Variants in ZNF469 observed in about 807,000 individuals in gnomAD.
ZNF469 encodes zinc finger protein 469.
Under a neutral mutation model 1.0 loss-of-function variants are expected in ZNF469, and 1 was observed. The observed-to-expected ratio is 1.00, with a 90% confidence interval of 0.35 to 4.73. The LOEUF is 4.73. Ranked by LOEUF, ZNF469 falls within the 30% of genes most tolerant of loss-of-function variation. ZNF469 has a pLI of 0.16. For synonymous variants in ZNF469, 2,703 were observed against 2,363.4 expected (o/e 1.14, Z -4.17); for missense variants, 6,100 against 5,356.3 (o/e 1.14, Z -4.33).
chr16:88,157,535 C>G, the ZNF469 span, among the ~76,000 whole-genome samples: 1 of 152,142 alleles, frequency 6.6e-6, no homozygotes. Flanking sequence ...GGGACAGCAC[C>G]CATCTCTCCT....
At chr16:88,172,059 A>G in the ZNF469 span, among the ~76,000 whole-genome samples, 1 of 152,198 alleles carries the variant, frequency 6.6e-6, no homozygotes, top group Non-Finnish European at 1.5e-5. Context: ...GCTCACTGTA[A>G]TGAGGGGAGA....
At chr16:88,358,942 C>G in the ZNF469 span, among the ~76,000 whole-genome samples, 4 of 152,176 alleles carry the variant, frequency 2.6e-5, no homozygotes, top group Non-Finnish European at 5.9e-5. Flanking sequence ...CTTCCAGTCT[C>G]AGGCTCTTCT....
chr16:88,318,862 A>G, the ZNF469 span, among the ~76,000 whole-genome samples: 514 of 152,376 alleles, frequency 3.4e-3, 3 homozygotes, highest in African/African-American at 0.012. Flanking sequence ...CCATCATGCA[A>G]ACAGCTTGGC....
At chr16:88,218,503 A>G in the ZNF469 span, among the ~76,000 whole-genome samples, 1 of 152,206 alleles carries the variant, frequency 6.6e-6, no homozygotes, top group Non-Finnish European at 1.5e-5. Flanking sequence ...TGTTTTAGAC[A>G]TGAAGTCCTT....
At chr16:88,380,643 A>C (rs1210617314), upstream of ZNF469, among the ~76,000 whole-genome samples, 1 of 136,460 alleles carries the variant, frequency 7.3e-6, no homozygotes, top group African/African-American at 2.8e-5. Context: ...ACACACATGC[A>C]CTCATACACA....
the ZNF469 span, among the ~76,000 whole-genome samples, chr16:88,256,889 T>C: frequency 1.2e-4 from 6 of 50,834 alleles, no homozygotes; most frequent in South Asian, 1.3e-3. Context: ...TCTTTTCTTT[T>C]CTTTCCTTCT....
chr16:88,193,304 TGGTGGTGATGGTGATGATGGTGGTGAC>T, the ZNF469 span, among the ~76,000 whole-genome samples: 3 of 148,186 alleles, frequency 2.0e-5, no homozygotes, highest in African/African-American at 7.5e-5. Context: ...GTGGTGGGGT[TGGTGGTGATGGTGATGATGGTGGTGAC>T]GGTGGTGATG....
At chr16:88,105,956 T>C in the ZNF469 span, among the ~76,000 whole-genome samples, 151,797 of 152,366 alleles carry the variant, frequency 1, 75,617 homozygotes, top group Middle Eastern at 1. Context: ...GGCTCCATCA[T>C]GGTTGCAAGC....
At chr16:88,254,325 G>T in the ZNF469 span, among the ~76,000 whole-genome samples, 1 of 152,112 alleles carries the variant, frequency 6.6e-6, no homozygotes, top group Admixed American at 6.6e-5. Flanking sequence ...TATATATGGG[G>T]TCTATGTCTA....
chr16:88,369,368 C>T, the ZNF469 span, among the ~76,000 whole-genome samples: 1 of 152,338 alleles, frequency 6.6e-6, no homozygotes, highest in South Asian at 2.1e-4. Context: ...TGCTTCTTCC[C>T]AGGGCTCCTT....
chr16:88,398,012 C>T (rs983202269), intron 1 of ZNF469, among the ~76,000 whole-genome samples: 5 of 152,216 alleles, frequency 3.3e-5, no homozygotes, highest in Admixed American at 2.0e-4. Flanking sequence ...CTCTTCAGCC[C>T]GGCAGGGCCA....
At chr16:88,276,841 G>C in the ZNF469 span, among the ~76,000 whole-genome samples, 4 of 151,382 alleles carry the variant, frequency 2.6e-5, no homozygotes, top group African/African-American at 7.3e-5. Context: ...GGTCAGTACT[G>C]TGTAGATATC....
chr16:88,119,951 C>G, the ZNF469 span, among the ~76,000 whole-genome samples: 1,639 of 152,278 alleles, frequency 0.011, 31 homozygotes, highest in African/African-American at 0.037. Context: ...CCGTGGGGTC[C>G]TGGTGTTGGG....
At chr16:88,209,165 A>G in the ZNF469 span, among the ~76,000 whole-genome samples, 2 of 151,994 alleles carry the variant, frequency 1.3e-5, no homozygotes, top group African/African-American at 4.8e-5. Context: ...CCCTACACAC[A>G]CACATCTATT....
At chr16:88,153,064 G>A in the ZNF469 span, among the ~76,000 whole-genome samples, 4 of 152,194 alleles carry the variant, frequency 2.6e-5, no homozygotes, top group Non-Finnish European at 5.9e-5. Flanking sequence ...TCCCTCCCAC[G>A]ACAGGATATT....
chr16:88,222,165 A>G, the ZNF469 span, among the ~76,000 whole-genome samples: 1 of 152,090 alleles, frequency 6.6e-6, no homozygotes, highest in Non-Finnish European at 1.5e-5. Flanking sequence ...GTGAATCCTT[A>G]TCTCACGTTC....
chr16:88,379,994 T>C (rs558613991), upstream of ZNF469, among the ~76,000 whole-genome samples: 1 of 152,238 alleles, frequency 6.6e-6, no homozygotes, highest in South Asian at 2.1e-4. Context: ...CCAGGCGGCA[T>C]TCAGGTGCCC....
At chr16:88,420,976 G>A (rs968639264) in intron 1 of ZNF469, among the ~76,000 whole-genome samples, 2 of 152,246 alleles carry the variant, frequency 1.3e-5, no homozygotes, top group Non-Finnish European at 1.5e-5. Flanking sequence ...AACCCAATCC[G>A]AGGGATCTTC....
chr16:88,237,151 G>A, the ZNF469 span, among the ~76,000 whole-genome samples: 2 of 89,400 alleles, frequency 2.2e-5, no homozygotes, highest in African/African-American at 7.4e-5. Context: ...CTCCTGCCAC[G>A]GACCCTCCCT....
Sources: gnomAD v4.1 joint callset for allele counts (sites outside exome capture counted in the v4.1 genomes callset) on GRCh38, gnomAD v4.1.1 for gene constraint, MANE v1.5 for transcripts, NCBI Gene and HGNC (gene_info 2026-07-23, HGNC 2026-07-21) for gene names.